The following SSH2 variants were observed in gnomAD, a reference collection of about 807,000 sequenced individuals.
SSH2 encodes the protein protein phosphatase Slingshot homolog 2.
SSH2 carries 37 observed loss-of-function variants against 135.2 expected under a neutral mutation model. The ratio of observed to expected loss-of-function variants is 0.27; its 90% CI spans 0.21 to 0.36. SSH2 has a LOEUF of 0.36. Among genes scored for constraint, SSH2 ranks in the 10% least tolerant of loss-of-function variants. The pLI, the probability that SSH2 is intolerant of heterozygous loss-of-function variation, is 1.00. For missense variants in SSH2, 1,408 were observed against 1,765.3 expected (o/e 0.80, Z 3.63); for synonymous variants, 628 against 646.2 (o/e 0.97, Z 0.43).
At chr17:29,928,970 C>G (rs2067123117) in intron 1 of SSH2, among the ~76,000 whole-genome samples, 1 of 152,164 alleles carries the variant, frequency 6.6e-6, no homozygotes, top group African/African-American at 2.4e-5. Context: ...TTATTTCTCT[C>G]TAAAACATCT....
At chr17:29,894,498 T>C (rs1182360812) in intron 1 of SSH2, among the ~76,000 whole-genome samples, 1 of 152,140 alleles carries the variant, frequency 6.6e-6, no homozygotes, top group African/African-American at 2.4e-5. Context: ...CATCTCTAGA[T>C]TACTTACGAT....
rs1466074370 is a variant in SSH2, at chr17:29,666,873, C to G, written c.1026G>C (p.Val342=). The change falls in exon 11 of 16, where the codon GTG becomes GTC. Residue 342 remains valine (V), a synonymous_variant. Transcript: ENST00000540801. The part of the protein sequence containing the change: ...MDSPTQIFEH[V]FLGSEWNASN... ...AAGTGGCTTTAAAACTTACCAGGAA[C>G]ACATGCTCAAATATCTGTGTAGGGC... 6.2e-7 allele frequency: 1 copy of G among 1,614,064 alleles called. No homozygotes were observed. Among genetic ancestry groups the G allele is most frequent in the Non-Finnish European group, 8.5e-7 (1 of 1,179,982 alleles).
chr17:29,904,021 C>T (rs1567643291), intron 1 of SSH2, among the ~76,000 whole-genome samples: 1 of 149,700 alleles, frequency 6.7e-6, no homozygotes. Flanking sequence ...GCCTACCAAC[C>T]AAAAAAAAAG....
At chr17:29,674,989 T>G (rs974759713) in intron 8 of SSH2, among the ~76,000 whole-genome samples, 8 of 152,246 alleles carry the variant, frequency 5.3e-5, no homozygotes, top group Non-Finnish European at 7.3e-5. Context: ...TGCTCTGTAC[T>G]CTTCCCCAAA....
intron 2 of SSH2, among the ~76,000 whole-genome samples, chr17:29,846,073 C>T (rs2043129259): frequency 6.7e-6 from 1 of 148,334 alleles, no homozygotes; most frequent in East Asian, 2.0e-4. Context: ...GAGTCTTGCT[C>T]TGTTGCCCAG....
At chr17:29,869,595 G>C (rs1025388112) in intron 1 of SSH2, among the ~76,000 whole-genome samples, 2 of 152,222 alleles carry the variant, frequency 1.3e-5, no homozygotes, top group African/African-American at 2.4e-5. Context: ...CATCAAGGAA[G>C]AAATGAAAGA....
At chr17:29,836,270 G>T (rs987109171) in intron 2 of SSH2, among the ~76,000 whole-genome samples, 1 of 152,046 alleles carries the variant, frequency 6.6e-6, no homozygotes, top group Admixed American at 6.5e-5. Context: ...GGCCCTTCTT[G>T]AACATCCTTT....
chr17:29,636,499 G>A lies in SSH2; in HGVS notation c.1731C>T (p.Asp577=), dbSNP rs765664850. The A allele has an allele frequency of 6.2e-7, 1 of 1,614,056 alleles. No individual in the cohort carries two copies. Among genetic ancestry groups the A allele is most frequent in the African/African-American group, 1.3e-5 (1 of 74,920 alleles). The change falls in exon 15 of 16, where the codon GAC becomes GAT. Residue 577 remains aspartate (D), a synonymous_variant. Transcript: ENST00000540801. ...GQIEDELNLN[D]INGCSSGCCL... Reference sequence around the variant, plus strand: ...AACACCCTGATGAGCATCCATTGATGTCATTTAAGTTTAATTCATCCTCAA... The same window carrying A: ...AACACCCTGATGAGCATCCATTGATATCATTTAAGTTTAATTCATCCTCAA...
At chr17:29,696,546 C>T (rs2038754684) in intron 4 of SSH2, among the ~76,000 whole-genome samples, 1 of 144,262 alleles carries the variant, frequency 6.9e-6, no homozygotes, top group Non-Finnish European at 1.5e-5. Flanking sequence ...GCTTGCAGAG[C>T]CAAGATTGCG....
chr17:29,631,788 T>C lies in SSH2; in HGVS notation c.3406A>G (p.Thr1136Ala), dbSNP rs1365877851. 6.2e-7 allele frequency: 1 copy of C among 1,614,228 alleles called. No homozygotes were observed. The highest frequency in any genetic ancestry group is 8.5e-7 in the Non-Finnish European group (1 of 1,180,038). ...SPEDRGSSLS[T>A]ALETAAPFVS... ...AAAGGTGCTGCTGTCTCCAGGGCTG[T>C]GGACAGGCTGCTGCCTCTGTCTTCA... Residue 1136 changes from threonine (T) to alanine (A), a missense_variant, in exon 16 of 16, where the codon ACA becomes GCA. By Grantham distance (58) the Thr-to-Ala change is moderately conservative (BLOSUM62 0). Coordinates refer to ENST00000540801, the MANE Select transcript of SSH2 (RefSeq NM_001282129.2).
At chr17:29,636,858 C>A (rs930801896) in intron 14 of SSH2, 56 bp from the exon 15 acceptor site, 8 of 1,248,392 alleles carry the variant, frequency 6.4e-6, no homozygotes, top group Non-Finnish European at 9.0e-6. Context: ...ATAATCAACA[C>A]CCTCCCAGGA....
chr17:29,696,884 C>T (rs542754655), intron 4 of SSH2, among the ~76,000 whole-genome samples: 2 of 151,794 alleles, frequency 1.3e-5, no homozygotes, highest in East Asian at 4.0e-4. Context: ...TGGGGTTTCA[C>T]CGTGTTAGCC....
At chr17:29,897,156 G>A (rs541145331) in intron 1 of SSH2, among the ~76,000 whole-genome samples, 28 of 151,936 alleles carry the variant, frequency 1.8e-4, no homozygotes, top group South Asian at 2.1e-4. Flanking sequence ...AGGAACAACC[G>A]GTACCAGCCA....
In SSH2 at chr17:29,632,279, A is replaced by G. The variant is rs1340030841; in HGVS notation, c.2915T>C (p.Leu972Pro). 1.2e-6 allele frequency: 2 copies of G among 1,614,030 alleles called. No homozygotes were observed. The highest frequency in any genetic ancestry group is 1.7e-6 in the Non-Finnish European group (2 of 1,180,006). Residue 972 changes from leucine (L) to proline (P), a missense_variant, in exon 16 of 16, where the codon CTG becomes CCG. By Grantham distance (98) the Leu-to-Pro change is moderately conservative. Around this residue, in one of 3 missense-constraint regions of SSH2, gnomAD observed 1,080 missense variants for 1,144.5 expected, o/e 0.94. Coordinates refer to ENST00000540801, the MANE Select transcript of SSH2 (RefSeq NM_001282129.2). Reference protein sequence around the residue: ...GKYSGSEAGSLSHSEQNATVP... With the variant: ...GKYSGSEAGSPSHSEQNATVP... ...AGTGGCATTCTGCTCAGAATGGGAC[A>G]GTGAGCCAGCCTCAGACCCACTGTA...
intron 1 of SSH2, among the ~76,000 whole-genome samples, chr17:29,892,991 C>G (rs1427574716): frequency 6.6e-6 from 1 of 152,024 alleles, no homozygotes; most frequent in Non-Finnish European, 1.5e-5. Context: ...TTTAAAAGAA[C>G]AGTCTCTACT....
rs1319057680 is a variant in SSH2 at position 29,636,368 on chromosome 17, A to G, written c.1862T>C (p.Val621Ala). The G allele has an allele frequency of 6.2e-7, 1 of 1,613,964 alleles. No homozygotes were observed. Among genetic ancestry groups the G allele is most frequent in the Non-Finnish European group, 8.5e-7 (1 of 1,180,028 alleles). ...EMANKFPDLT[V>A]EDLETDALKA... is the part of the protein sequence containing the mutation. The stretch of plus-strand genomic sequence containing the variant: ...CAGTGCATCTGTCTCCAAATCTTCC[A>G]CTGTTAAGTCTGGAAACTTGTTGGC... The change falls in exon 15 of 16, where the codon GTG (valine) becomes GCG (alanine). Residue 621 changes from valine to alanine, a missense_variant. Physicochemically the swap from Val to Ala is moderately conservative, Grantham distance 64 (BLOSUM62 0). Around this residue, in one of 3 missense-constraint regions of SSH2, gnomAD observed 1,080 missense variants for 1,144.5 expected, o/e 0.94. Coordinates refer to ENST00000540801, the MANE Select transcript of SSH2 (RefSeq NM_001282129.2).
Position 29,709,121 on chromosome 17 carries a change from C to A in SSH2, c.189-6059G>T, listed in dbSNP as rs2039345557. Among the ~76,000 whole-genome samples, 3 of 147,592 alleles carry A rather than the reference C, an allele frequency of 2.0e-5. No homozygotes were observed. The Admixed American group carries it at 2.1e-4, about 10-fold the overall frequency. ...TGCATTTTACATTACTTTATTTAAC[C>A]TTCCTAACAATTCTATGAAGTAGGT... On this transcript the variant is annotated intron_variant, in intron 3 of 15. Transcript: ENST00000540801.
intron 2 of SSH2, among the ~76,000 whole-genome samples, chr17:29,795,217 G>C (rs1281799346): frequency 6.6e-6 from 1 of 152,132 alleles, no homozygotes; most frequent in African/African-American, 2.4e-5. Context: ...GCTGCAATCT[G>C]GTTTCTTGAG....
At chr17:29,691,104 A>C (rs188288928) in intron 5 of SSH2, among the ~76,000 whole-genome samples, 30 of 152,172 alleles carry the variant, frequency 2.0e-4, no homozygotes, top group Admixed American at 1.6e-3. Flanking sequence ...GAGAAAAAAA[A>C]ACCCCACATA....
Sources: allele counts gnomAD v4.1 joint callset (sites outside exome capture counted in the v4.1 genomes callset), GRCh38; gene constraint gnomAD v4.1.1; regional missense constraint gnomAD v4.1.1; transcripts MANE v1.5; gene names NCBI Gene and HGNC (gene_info 2026-07-23, HGNC 2026-07-21).